Variants in LRRC4C observed in about 807,000 individuals in gnomAD.
The protein encoded by LRRC4C is leucine rich repeat containing 4C, also known as leucine-rich repeat-containing protein 4C.
A neutral mutation model predicts 33.6 loss-of-function variants in LRRC4C; 5 were observed. The observed-to-expected ratio is 0.15, with a 90% confidence interval of 0.08 to 0.31. LRRC4C has a LOEUF of 0.31. Ranked by LOEUF, LRRC4C falls within the 10% of genes least tolerant of loss-of-function variation. The probability of loss-of-function intolerance (pLI) is 1.00; values close to 1 mark genes in which losing one functional copy is unlikely to be tolerated. For missense variants in LRRC4C, 560 were observed against 796.7 expected, an observed-to-expected ratio of 0.70 and a Z score of 3.58; for synonymous variants, 329 against 302.0, an observed-to-expected ratio of 1.09 and a Z score of -0.93.
intron 3 of LRRC4C, among the ~76,000 whole-genome samples, chr11:40,321,069 G>A (rs1016836314): frequency 1.3e-5 from 2 of 152,094 alleles, no homozygotes; most frequent in African/African-American, 4.8e-5. Context: ...ATGACCAGTA[G>A]GTCAGTTGTC....
At position 40,115,694 on chromosome 11, in the gene LRRC4C, C is replaced by T. The variant is rs376385641; in HGVS notation, c.599G>A (p.Arg200Lys). The change falls in exon 7 of 7, where the codon AGG (arginine) becomes AAG (lysine). Residue 200 changes from arginine (R) to lysine (K), a missense_variant. Physicochemically the swap from Arg to Lys is conservative, Grantham distance 26. Coordinates refer to ENST00000528697, the MANE Select transcript of LRRC4C (RefSeq NM_001258419.2). This position sits in a 1 kb window ranked among gnomAD's most constrained non-coding sequence, Gnocchi z 6.7. Reference protein sequence around the residue: ...EGAFEGLSNLRYLNLAMCNLR... With the variant: ...EGAFEGLSNLKYLNLAMCNLR... ...GTTGCACATGGCAAGGTTCAAATAC[C>T]TCAAGTTGGACAGACCTTCAAAGGC... is the stretch of plus-strand genomic sequence containing the variant. 2.0e-5 allele frequency: 32 copies of T among 1,613,986 alleles called. No individual in the cohort carries two copies. Among genetic ancestry groups the T allele is most frequent in the Non-Finnish European group, 2.5e-5 (30 of 1,180,020 alleles).
chr11:40,403,211 A>T (rs1949828008), intron 3 of LRRC4C, among the ~76,000 whole-genome samples: 1 of 152,090 alleles, frequency 6.6e-6, no homozygotes, highest in South Asian at 2.1e-4. Context: ...TTATTGCTCC[A>T]TGACCTCTAC....
rs531661434 is a variant in LRRC4C at position 40,430,262 on chromosome 11, T to TG, written c.-269-110542dup. Among the ~76,000 whole-genome samples, 982 of 129,954 alleles carry TG rather than the reference T, an allele frequency of 7.6e-3. 5 individuals carry two copies. Among genetic ancestry groups the TG allele is most frequent in the Non-Finnish European group, 9.2e-3 (569 of 61,526 alleles). 85.3% of individuals were successfully genotyped at this position (129,954 alleles called of 152,430 possible). ...CTCAGAAGGAAGAAAAGTGCACGTATGGGGGGGGTTGCTCTAGGAGAAAGT... is the reference window on the plus strand; with the variant it reads ...CTCAGAAGGAAGAAAAGTGCACGTATGGGGGGGGGTTGCTCTAGGAGAAAGT... On this transcript the variant is annotated intron_variant, in intron 3 of 6. Transcript: ENST00000528697.
At chr11:41,458,226 C>A (rs769575357) in intron 1 of LRRC4C, among the ~76,000 whole-genome samples, 2 of 152,100 alleles carry the variant, frequency 1.3e-5, no homozygotes. Flanking sequence ...ATGAACGTGT[C>A]CACAGTAACA....
intron 3 of LRRC4C, among the ~76,000 whole-genome samples, chr11:40,443,668 A>T (rs1488154058): frequency 6.6e-6 from 1 of 152,200 alleles, no homozygotes; most frequent in Non-Finnish European, 1.5e-5. Flanking sequence ...TATTAATTTG[A>T]TTGGAGTGTT....
intron 2 of LRRC4C, among the ~76,000 whole-genome samples, chr11:40,650,486 C>A (rs932878578): frequency 6.6e-6 from 1 of 152,104 alleles, no homozygotes; most frequent in African/African-American, 2.4e-5. Flanking sequence ...CTCAAGCTAC[C>A]TTTCAAAAAC....
intron 1 of LRRC4C, among the ~76,000 whole-genome samples, chr11:41,022,524 C>A (rs1856056948): frequency 6.6e-6 from 1 of 151,640 alleles, no homozygotes; most frequent in African/African-American, 2.4e-5. Flanking sequence ...GATGGTATAT[C>A]ATTATGTAAA....
chr11:40,438,962 A>G (rs1252539932), intron 3 of LRRC4C, among the ~76,000 whole-genome samples: 18 of 124,944 alleles, frequency 1.4e-4, no homozygotes, highest in Non-Finnish European at 4.8e-5. Flanking sequence ...ACAGAGTCTC[A>G]CTCTGTCGCC....
At chr11:41,043,436 A>T (rs2138016071) in intron 1 of LRRC4C, among the ~76,000 whole-genome samples, 1 of 152,330 alleles carries the variant, frequency 6.6e-6, no homozygotes, top group Middle Eastern at 3.4e-3. Context: ...TAAAAATGTT[A>T]AATGTTGCTG....
At chr11:40,551,908 G>A (rs1957140130) in intron 3 of LRRC4C, among the ~76,000 whole-genome samples, 1 of 152,194 alleles carries the variant, frequency 6.6e-6, no homozygotes, top group East Asian at 1.9e-4. Context: ...GTTTAAAGAT[G>A]AGATTAACAT....
chr11:40,980,435 T>A (rs1163960266), intron 1 of LRRC4C, among the ~76,000 whole-genome samples: 3 of 152,234 alleles, frequency 2.0e-5, no homozygotes, highest in Non-Finnish European at 4.4e-5. Context: ...TTTGAAGTCA[T>A]CCGTATTAAT....
intron 5 of LRRC4C, among the ~76,000 whole-genome samples, chr11:40,161,238 A>G (rs1205037594): frequency 1.3e-5 from 2 of 152,186 alleles, no homozygotes; most frequent in African/African-American, 2.4e-5. Context: ...ACCCCTCTCA[A>G]ATATTAACCT....
chr11:41,413,287 A>G (rs1450653906), intron 1 of LRRC4C, among the ~76,000 whole-genome samples: 4 of 152,026 alleles, frequency 2.6e-5, no homozygotes, highest in African/African-American at 9.7e-5. Context: ...TTATCCTTCC[A>G]CTCACTGAAA....
intron 2 of LRRC4C, among the ~76,000 whole-genome samples, chr11:40,676,350 G>C (rs1591438480): frequency 1.3e-5 from 2 of 152,130 alleles, no homozygotes; most frequent in East Asian, 3.9e-4. Context: ...TAGAAACATG[G>C]AAGGCAGGGT....
Position 40,444,734 on chromosome 11 carries a change from C to A in LRRC4C, c.-269-125013G>T, listed in dbSNP as rs573677636. Among the ~76,000 whole-genome samples the A allele has an allele frequency of 7.2e-5, 11 of 152,240 alleles. No homozygotes were observed. The South Asian group carries it at 2.3e-3, about 32-fold the overall frequency. On this transcript the variant is annotated intron_variant, in intron 3 of 6. Transcript: ENST00000528697. ...TAATAAACTAAATTGCTGTTAAAAG[C>A]AACAACACAAGATTCTTTCCTATGT...
intron 1 of LRRC4C, among the ~76,000 whole-genome samples, chr11:41,206,427 C>A (rs1417597573): frequency 6.6e-6 from 1 of 152,102 alleles, no homozygotes; most frequent in Non-Finnish European, 1.5e-5. Context: ...CAAGAGTGAC[C>A]TACAAAAAGC....
chr11:40,763,135 A>G (rs1949304390), intron 2 of LRRC4C, among the ~76,000 whole-genome samples: 1 of 151,354 alleles, frequency 6.6e-6, no homozygotes, highest in Non-Finnish European at 1.5e-5. Flanking sequence ...ACATATATAT[A>G]CACTTTTTTA....
At chr11:40,526,837 T>A (rs987338760) in intron 3 of LRRC4C, among the ~76,000 whole-genome samples, 4 of 152,144 alleles carry the variant, frequency 2.6e-5, no homozygotes, top group Non-Finnish European at 5.9e-5. Context: ...ATTCATATAA[T>A]GAATACAGTA....
intron 3 of LRRC4C, among the ~76,000 whole-genome samples, chr11:40,577,689 A>G (rs1958249992): frequency 6.6e-6 from 1 of 152,152 alleles, no homozygotes. Flanking sequence ...ACAGTCCCTC[A>G]GGAAAAACAA....
Sources: allele counts gnomAD v4.1 joint callset (sites outside exome capture counted in the v4.1 genomes callset), GRCh38; gene constraint gnomAD v4.1.1; non-coding constraint Gnocchi (gnomAD v3.1); transcripts MANE v1.5; gene names NCBI Gene and HGNC (gene_info 2026-07-23, HGNC 2026-07-21).